MORN1: variants seen among roughly 807,000 people sequenced by gnomAD.
MORN1 encodes MORN repeat containing 1.
Under a neutral mutation model 61.9 loss-of-function variants are expected in MORN1, and 67 were observed. That is an observed-to-expected ratio of 1.08 (90% CI 0.89 to 1.33). The LOEUF (loss-of-function observed/expected upper bound fraction) is 1.33. MORN1 is among the 40% of genes most tolerant of loss of function. The pLI is 0.00. For missense variants in MORN1, 752 were observed against 691.2 expected (o/e 1.09, Z -0.99); for synonymous variants, 301 against 292.0 (o/e 1.03, Z -0.31).
intron 6 of MORN1, chr1:2,378,096 G>A (rs1202164349): frequency 6.6e-6 from 1 of 152,320 alleles, no homozygotes; most frequent in African/African-American, 2.4e-5. Flanking sequence ...GTAACAGTGA[G>A]GACCAGGGGT....
chr1:2,383,320 C>G (rs1376446535), intron 6 of MORN1, among the ~76,000 whole-genome samples: 2 of 152,176 alleles, frequency 1.3e-5, no homozygotes, highest in African/African-American at 4.8e-5. Context: ...CTCTGGCAAG[C>G]GTCTCCTGCA....
intron 12 of MORN1, among the ~76,000 whole-genome samples, chr1:2,324,546 G>C (rs1414019501): frequency 1.3e-5 from 2 of 152,206 alleles, no homozygotes; most frequent in Non-Finnish European, 2.9e-5. Context: ...TGCAGGGAGC[G>C]ACTTAGGAGC....
At chr1:2,348,622 C>CGCATGCACACACGCACCTGCGCAG (rs1641568559) in intron 10 of MORN1, among the ~76,000 whole-genome samples, 2 of 150,854 alleles carry the variant, frequency 1.3e-5, no homozygotes, top group African/African-American at 2.4e-5. Flanking sequence ...TAGGCAGGCA[C>CGCATGCACACACGCACCTGCGCAG]GCACGCACAC....
chr1:2,348,927 A>T (rs1016728603), intron 10 of MORN1, among the ~76,000 whole-genome samples: 4 of 150,788 alleles, frequency 2.7e-5, no homozygotes, highest in African/African-American at 9.7e-5. Flanking sequence ...ACTTTCTATG[A>T]TGCAAACCCC....
intron 2 of MORN1, among the ~76,000 whole-genome samples, chr1:2,388,743 A>C (rs923147076): frequency 4.3e-5 from 6 of 138,402 alleles, no homozygotes; most frequent in Admixed American, 1.7e-4. Flanking sequence ...GCATCACTGC[A>C]CTCCAGCCTG....
intron 8 of MORN1, among the ~76,000 whole-genome samples, chr1:2,360,075 G>C (rs58684419): frequency 0.039 from 5,952 of 152,178 alleles, 381 homozygotes; most frequent in African/African-American, 0.13. Flanking sequence ...CTCAGAGCCT[G>C]GGGCTACCCC....
Position 2,336,833 on chromosome 1 carries a change from G to A in MORN1, c.1054C>T (p.His352Tyr). 1.3e-6 allele frequency: 2 copies of A among 1,581,616 alleles called. No individual in the cohort carries two copies. Among genetic ancestry groups the A allele is most frequent in the Non-Finnish European group, 8.6e-7 (1 of 1,166,608 alleles). Residue 352 changes from histidine to tyrosine, a missense_variant, in exon 11 of 14, where the codon CAT becomes TAT. By Grantham distance (83) the His-to-Tyr change is moderately conservative (BLOSUM62 2). Transcript: ENST00000378531. ...ACTCGCTGACAGGCCCCGGGACAAT[G>A]GGGCGCATGTCCCCTGGCTGAGGAG... ...GGLLARGHAP[H>Y]CPGACQRVEQ...
At chr1:2,328,718 G>A (rs568324771) in intron 12 of MORN1, among the ~76,000 whole-genome samples, 1 of 152,198 alleles carries the variant, frequency 6.6e-6, no homozygotes, top group Admixed American at 6.5e-5. Context: ...AGAGCCAGGG[G>A]CCAGTGCTTT....
chr1:2,387,123 C>G (rs1301536252), intron 4 of MORN1: 1 of 444,846 alleles, frequency 2.2e-6, no homozygotes, highest in Non-Finnish European at 4.1e-6. Flanking sequence ...ACCCCAGGAT[C>G]AGGAGCAGTT....
chr1:2,332,377 C>G (rs953655675), intron 12 of MORN1: 1 of 345,626 alleles, frequency 2.9e-6, no homozygotes, highest in Admixed American at 3.9e-5. Context: ...CTGTTGCTCA[C>G]GGACTCCAGC....
rs370211934 is a variant in MORN1 at position 2,337,200 on chromosome 1, G to A, written c.1037-350C>T. Among the ~76,000 whole-genome samples the A allele has an allele frequency of 3.3e-5, 5 of 152,334 alleles. No homozygotes were observed. The highest frequency in any genetic ancestry group is 2.1e-4 in the South Asian group (1 of 4,830). ...TCGCTTCCAGGGTAGGGCCGGGACCGGGGCCCTGGCCGGAGAGGCTGGCGC... is the reference window on the plus strand; with the variant it reads ...TCGCTTCCAGGGTAGGGCCGGGACCAGGGCCCTGGCCGGAGAGGCTGGCGC... On this transcript the variant is annotated intron_variant, in intron 10 of 13. Coordinates refer to ENST00000378531, the MANE Select transcript of MORN1 (RefSeq NM_024848.3). This position sits in a 1 kb window ranked among gnomAD's most constrained non-coding sequence, Gnocchi z 5.7.
At chr1:2,356,899 C>G (rs1340520798) in intron 10 of MORN1, among the ~76,000 whole-genome samples, 1 of 152,222 alleles carries the variant, frequency 6.6e-6, no homozygotes, top group East Asian at 1.9e-4. Context: ...TGGCCCCAGC[C>G]TTGGGGGGCA....
intron 12 of MORN1, chr1:2,332,901 G>C (rs1196610940): frequency 8.3e-6 from 3 of 362,398 alleles, no homozygotes; most frequent in South Asian, 6.2e-5. Context: ...ACTGGGGCTC[G>C]GGCTGGGGCT....
At position 2,321,387 on chromosome 1, in the gene MORN1, C is replaced by T. The variant is rs963639641; in HGVS notation, c.1490G>A (p.Arg497Gln). 2.8e-5 allele frequency: 43 copies of T among 1,521,200 alleles called. No individual in the cohort carries two copies. The highest frequency in any genetic ancestry group is 1.8e-4 in the East Asian group (7 of 39,490). The allele number at this position is 1,521,200 out of a possible 1,614,324, so 94.2% of individuals were successfully genotyped here. A position where few individuals can be genotyped will look rare whatever the true frequency, so the allele number is the denominator to read the frequency against. Residue 497 changes from arginine (R) to glutamine (Q), a missense_variant, in exon 14 of 14, where the codon CGG (arginine) becomes CAG (glutamine). Transcript: ENST00000378531. Reference protein sequence around the residue: ...HSCTPEPPAPR With the variant: ...HSCTPEPPAPQ ...GCCTCCTGTGGACACGGGGCCTCAC[C>T]GAGGCGCTGGCGGCTCTGGGGTGCA...
At chr1:2,374,141 C>T (rs894164058) in intron 7 of MORN1, among the ~76,000 whole-genome samples, 10 of 152,100 alleles carry the variant, frequency 6.6e-5, no homozygotes, top group East Asian at 1.9e-4. Flanking sequence ...TTCTGTGAGC[C>T]GAGGCCACCC....
intron 12 of MORN1, among the ~76,000 whole-genome samples, chr1:2,328,412 G>T (rs1641081056): frequency 6.6e-6 from 1 of 152,238 alleles, no homozygotes; most frequent in Non-Finnish European, 1.5e-5. Flanking sequence ...CAAGGGGCAG[G>T]AGGCTTTGCC....
chr1:2,374,467 G>T lies in MORN1; in HGVS notation c.628C>A (p.Pro210Thr), dbSNP rs1642190947. The change falls in exon 7 of 14, where the codon CCA becomes ACA. Residue 210 changes from proline (P) to threonine (T), a missense_variant. Coordinates refer to ENST00000378531, the MANE Select transcript of MORN1 (RefSeq NM_024848.3). ...GGAAGGCAGGGACACCTACCTGCTGGGTGGCCATTGATCCACAACCCATAA... is the reference window on the plus strand; with the variant it reads ...GGAAGGCAGGGACACCTACCTGCTGTGTGGCCATTGATCCACAACCCATAA... ...TYYGLWINGH[P>T]AEQATRIVIL... is the part of the protein sequence containing the mutation. 5 of 1,591,592 alleles carry T rather than the reference G, an allele frequency of 3.1e-6. No homozygotes were observed. The highest frequency in any genetic ancestry group is 3.4e-6 in the Non-Finnish European group (4 of 1,169,608).
chr1:2,355,053 C>T, intron 10 of MORN1: 2 of 620,848 alleles, frequency 3.2e-6, no homozygotes, highest in Non-Finnish European at 4.1e-6. Context: ...TAGGATCCGC[C>T]CCAGACTCAG....
At chr1:2,322,466 G>A (rs1455222147) in intron 13 of MORN1, 9 of 985,262 alleles carry the variant, frequency 9.1e-6, no homozygotes, top group African/African-American at 1.7e-5. Context: ...GCCAGGCCAC[G>A]GGCTCGGCCG....
Sources: allele counts gnomAD v4.1 joint callset (sites outside exome capture counted in the v4.1 genomes callset), GRCh38; gene constraint gnomAD v4.1.1; non-coding constraint Gnocchi (gnomAD v3.1); transcripts MANE v1.5; gene names NCBI Gene and HGNC (gene_info 2026-07-23, HGNC 2026-07-21).